DOCK3: variants seen among roughly 807,000 people sequenced by gnomAD.
DOCK3 encodes the protein dedicator of cytokinesis protein 3.
Under a neutral mutation model 265.6 loss-of-function variants are expected in DOCK3, and 60 were observed. That is an observed-to-expected ratio of 0.23 (90% CI 0.18 to 0.28). The LOEUF is 0.28. DOCK3 is among the 10% of genes least tolerant of loss of function. DOCK3 has a pLI of 1.00. For synonymous variants in DOCK3, 881 were observed against 938.0 expected, an observed-to-expected ratio of 0.94 and a Z score of 1.11; for missense variants, 1,981 against 2,594.3, an observed-to-expected ratio of 0.76 and a Z score of 5.14.
chr3:50,788,868 G>A (rs1036892581), intron 2 of DOCK3, among the ~76,000 whole-genome samples: 1 of 152,226 alleles, frequency 6.6e-6, no homozygotes, highest in Non-Finnish European at 1.5e-5. Flanking sequence ...GCGCGTGCCC[G>A]CCCCGTCCCC....
At chr3:51,293,402 G>A (rs1450998451) in intron 27 of DOCK3, among the ~76,000 whole-genome samples, 1 of 152,180 alleles carries the variant, frequency 6.6e-6, no homozygotes, top group Non-Finnish European at 1.5e-5. Flanking sequence ...AATAAGTGAT[G>A]TTAGGAAAAT....
intron 27 of DOCK3, among the ~76,000 whole-genome samples, chr3:51,298,334 TTTTC>T (rs1244772296): frequency 3.3e-5 from 5 of 152,226 alleles, no homozygotes; most frequent in Non-Finnish European, 7.3e-5. Flanking sequence ...TGAGTTCTCT[TTTTC>T]TTTCTTGGTC....
rs1274123224 is a variant in DOCK3 at position 51,031,103 on chromosome 3, A to AT, written c.316-33341dup. 2.0e-5 allele frequency among the ~76,000 whole-genome samples: 3 copies of AT among 152,228 alleles called. No individual in the cohort carries two copies. The East Asian group carries it at 5.8e-4, about 29-fold the overall frequency. ...AAACTATCATCACTAGGACACAGAA[A>AT]TTTTCATACTTTTCAATTTGCTATG... On this transcript the variant is annotated intron_variant, in intron 5 of 52. Transcript: ENST00000266037.
intron 3 of DOCK3, among the ~76,000 whole-genome samples, chr3:50,876,070 T>C (rs2047688633): frequency 6.6e-6 from 1 of 152,162 alleles, no homozygotes; most frequent in Admixed American, 6.5e-5. Flanking sequence ...TTACTGCTGC[T>C]ATACCAAGTA....
At chr3:51,280,066 C>G in intron 26 of DOCK3, 40 bp from the exon 27 acceptor site, 3 of 1,561,928 alleles carry the variant, frequency 1.9e-6, no homozygotes, top group African/African-American at 1.4e-5. Flanking sequence ...ACAGCCCTTG[C>G]AATTGGCCAT....
intron 1 of DOCK3, among the ~76,000 whole-genome samples, chr3:50,771,719 C>T (rs536725272): frequency 5.3e-5 from 8 of 152,070 alleles, no homozygotes; most frequent in Admixed American, 2.0e-4. Flanking sequence ...GGTGTGGTGG[C>T]GGGCGCCTGT....
intron 5 of DOCK3, among the ~76,000 whole-genome samples, chr3:50,994,478 A>G (rs1009980212): frequency 2.0e-5 from 3 of 152,206 alleles, no homozygotes; most frequent in African/African-American, 7.2e-5. Context: ...GTGATGTCAA[A>G]GTTGTGCTGT....
At chr3:51,278,617 T>C (rs79119263) in intron 26 of DOCK3, 2 of 11,068 alleles carry the variant, frequency 1.8e-4, no homozygotes, top group Non-Finnish European at 3.7e-4. Context: ...GTAAAAAACA[T>C]ATATATATAT....
intron 46 of DOCK3, among the ~76,000 whole-genome samples, chr3:51,358,726 G>A (rs993533613): frequency 6.6e-6 from 1 of 152,174 alleles, no homozygotes; most frequent in African/African-American, 2.4e-5. Context: ...CCAGGCTCCT[G>A]AAAGTCTCCC....
At chr3:51,194,900 C>T (rs571293605) in intron 12 of DOCK3, among the ~76,000 whole-genome samples, 17 of 148,094 alleles carry the variant, frequency 1.1e-4, no homozygotes, top group Non-Finnish European at 1.6e-4. Flanking sequence ...TATCGGTTCA[C>T]TGCAACCTCT....
intron 22 of DOCK3, among the ~76,000 whole-genome samples, chr3:51,256,138 C>G (rs1381628939): frequency 1.3e-5 from 2 of 152,212 alleles, no homozygotes; most frequent in South Asian, 2.1e-4. Flanking sequence ...GAGGTCCACT[C>G]CAGACCCTGT....
chr3:51,342,378 T>A (rs1280531493), intron 38 of DOCK3, among the ~76,000 whole-genome samples: 4 of 152,168 alleles, frequency 2.6e-5, no homozygotes, highest in Non-Finnish European at 4.4e-5. Context: ...CATGCTCAGC[T>A]CTCAGCCAGC....
At chr3:50,836,151 C>G (rs751715437) in intron 2 of DOCK3, among the ~76,000 whole-genome samples, 11 of 152,180 alleles carry the variant, frequency 7.2e-5, no homozygotes, top group Non-Finnish European at 1.0e-4. Flanking sequence ...ACTTCTAATT[C>G]CTGGGGATCC....
intron 2 of DOCK3, chr3:50,787,554 G>A: frequency 1.3e-6 from 1 of 757,968 alleles, no homozygotes. Flanking sequence ...AACAACCCTG[G>A]GTCACTTCTC....
chr3:51,177,447 C>T (rs957933240), intron 12 of DOCK3, among the ~76,000 whole-genome samples: 2 of 152,160 alleles, frequency 1.3e-5, no homozygotes, highest in African/African-American at 4.8e-5. Context: ...AAAATTTAGG[C>T]GTTCTTTTTG....
At chr3:51,295,036 T>TA (rs1289666336) in intron 27 of DOCK3, among the ~76,000 whole-genome samples, 1 of 152,174 alleles carries the variant, frequency 6.6e-6, no homozygotes, top group Admixed American at 6.5e-5. Context: ...TCAATTAAAA[T>TA]AAAAATTTTT....
At chr3:51,293,076 A>C (rs1198978994) in intron 27 of DOCK3, among the ~76,000 whole-genome samples, 1 of 152,198 alleles carries the variant, frequency 6.6e-6, no homozygotes, top group Non-Finnish European at 1.5e-5. Flanking sequence ...ATTCAATGCA[A>C]TCTCCATCAA....
chr3:51,080,317 A>G (rs1213614090), intron 7 of DOCK3, among the ~76,000 whole-genome samples: 2 of 152,226 alleles, frequency 1.3e-5, no homozygotes, highest in Non-Finnish European at 2.9e-5. Flanking sequence ...AATGTGTTCC[A>G]TGCATTTCTT....
intron 4 of DOCK3, among the ~76,000 whole-genome samples, chr3:50,927,084 C>A (rs1372977501): frequency 6.6e-6 from 1 of 152,194 alleles, no homozygotes; most frequent in Non-Finnish European, 1.5e-5. Flanking sequence ...GGTTTTCTTG[C>A]TTTTATTCAG....
Sources: gnomAD v4.1 joint callset for allele counts (sites outside exome capture counted in the v4.1 genomes callset) on GRCh38, gnomAD v4.1.1 for gene constraint, MANE v1.5 for transcripts, NCBI Gene and HGNC (gene_info 2026-07-23, HGNC 2026-07-21) for gene names.